DPP10: variants seen among roughly 807,000 people sequenced by gnomAD.
DPP10 encodes dipeptidyl peptidase like 10, also known as inactive dipeptidyl peptidase 10.
A neutral mutation model predicts 120.9 loss-of-function variants in DPP10; 33 were observed. The ratio of observed to expected loss-of-function variants is 0.27; its 90% CI spans 0.21 to 0.37. The LOEUF (loss-of-function observed/expected upper bound fraction) is 0.37. DPP10 is among the 10% of genes least tolerant of loss of function. The probability of loss-of-function intolerance (pLI) is 1.00; values close to 1 mark genes in which losing one functional copy is unlikely to be tolerated. For missense variants in DPP10, 816 were observed against 942.8 expected (o/e 0.87, Z 1.76); for synonymous variants, 337 against 326.1 (o/e 1.03, Z -0.36).
intron 1 of DPP10, among the ~76,000 whole-genome samples, chr2:114,771,261 A>G (rs768770039): frequency 6.6e-6 from 1 of 152,204 alleles, no homozygotes; most frequent in East Asian, 1.9e-4. Context: ...TGCAGGAGAC[A>G]TTAGCCATTA....
At chr2:114,650,299 C>T (rs1192515357) in intron 1 of DPP10, among the ~76,000 whole-genome samples, 2 of 152,114 alleles carry the variant, frequency 1.3e-5, no homozygotes, top group Non-Finnish European at 2.9e-5. Context: ...ATCCTGTTAC[C>T]TTGAAGGGCA....
At chr2:115,601,139 A>G (rs895782378) in intron 5 of DPP10, among the ~76,000 whole-genome samples, 1 of 152,200 alleles carries the variant, frequency 6.6e-6, no homozygotes, top group East Asian at 1.9e-4. Context: ...TGTCATTCAG[A>G]TTCTTTAAAC....
At position 114,731,043 on chromosome 2, in the gene DPP10, G is replaced by T. The variant is rs78491216; in HGVS notation, c.60+288205G>T. ...AATGGATGTGAAGAACACAATATCG[G>T]GTCACAAAAAAATTATCTGGGGCAT... On this transcript the variant is annotated intron_variant, in intron 1 of 25. Transcript: ENST00000410059. 6.3e-4 allele frequency among the ~76,000 whole-genome samples: 95 copies of T among 151,800 alleles called. 1 individual carries two copies. The East Asian group carries it at 0.017, about 28-fold the overall frequency.
rs546900496 is a variant in DPP10, at chr2:115,007,251, G to A, written c.61-301988G>A. 3.0e-3 allele frequency among the ~76,000 whole-genome samples: 464 copies of A among 152,254 alleles called. 3 individuals carry two copies. Among genetic ancestry groups the A allele is most frequent in the African/African-American group, 0.011 (438 of 41,540 alleles). On this transcript the variant is annotated intron_variant, in intron 1 of 25. Transcript: ENST00000410059. The stretch of plus-strand genomic sequence containing the variant: ...ATGATCAAGTGGGCTTCATCCCTGG[G>A]ATGCAAGCCTGGTTCAATATACGCA...
intron 5 of DPP10, among the ~76,000 whole-genome samples, chr2:115,656,533 G>T (rs1397732666): frequency 6.6e-6 from 1 of 151,508 alleles, no homozygotes; most frequent in Non-Finnish European, 1.5e-5. Flanking sequence ...TATGAGAAAG[G>T]AAAATTATAA....
chr2:115,472,291 T>C (rs1388593353), intron 3 of DPP10, among the ~76,000 whole-genome samples: 2 of 152,138 alleles, frequency 1.3e-5, no homozygotes, highest in African/African-American at 2.4e-5. Context: ...CAGCTAATGG[T>C]AGAACAAATT....
At chr2:115,167,990 AT>A (rs761928037) in intron 1 of DPP10, among the ~76,000 whole-genome samples, 49 of 152,162 alleles carry the variant, frequency 3.2e-4, no homozygotes, top group Non-Finnish European at 6.6e-4. Flanking sequence ...GAAAGAGGAT[AT>A]TTAAAGGAAA....
At chr2:115,327,910 G>A (rs765786953) in intron 2 of DPP10, among the ~76,000 whole-genome samples, 1 of 151,992 alleles carries the variant, frequency 6.6e-6, no homozygotes, top group African/African-American at 2.4e-5. Context: ...TTATGAAAGG[G>A]TGCCTGGAGT....
chr2:115,081,193 A>G (rs1385146629), intron 1 of DPP10, among the ~76,000 whole-genome samples: 2 of 152,292 alleles, frequency 1.3e-5, no homozygotes, highest in East Asian at 1.9e-4. Context: ...GTCAATCACA[A>G]TCTTTTCAGA....
chr2:115,010,427 C>T (rs1212014765), intron 1 of DPP10, among the ~76,000 whole-genome samples: 2 of 151,916 alleles, frequency 1.3e-5, no homozygotes, highest in Non-Finnish European at 2.9e-5. Context: ...ATTTTTATTG[C>T]TGAGAATAAA....
chr2:115,376,279 A>T (rs1452235136), intron 3 of DPP10, among the ~76,000 whole-genome samples: 1 of 152,212 alleles, frequency 6.6e-6, no homozygotes, highest in Non-Finnish European at 1.5e-5. Context: ...ACGAATTTCA[A>T]AATTATAAAT....
intron 1 of DPP10, among the ~76,000 whole-genome samples, chr2:114,554,110 T>A (rs72951877): frequency 0.017 from 2,616 of 152,294 alleles, 74 homozygotes; most frequent in African/African-American, 0.06. Flanking sequence ...AAAGGAGATT[T>A]GAGTAATTAA....
chr2:115,727,457 G>A (rs2149637598), intron 7 of DPP10, among the ~76,000 whole-genome samples: 1 of 152,198 alleles, frequency 6.6e-6, no homozygotes, highest in African/African-American at 2.4e-5. Context: ...TTACTAAAAT[G>A]GCTTATAGTT....
intron 2 of DPP10, among the ~76,000 whole-genome samples, chr2:115,312,629 A>G (rs2061629042): frequency 6.6e-6 from 1 of 152,080 alleles, no homozygotes; most frequent in Admixed American, 6.6e-5. Context: ...CAGTGCTCCA[A>G]CTGCACCAAG....
chr2:115,154,739 C>A (rs543113674), intron 1 of DPP10, among the ~76,000 whole-genome samples: 3 of 152,030 alleles, frequency 2.0e-5, no homozygotes, highest in Admixed American at 6.5e-5. Flanking sequence ...CCCACCACCC[C>A]CTGAGCACAC....
chr2:115,030,027 C>T (rs929751890), intron 1 of DPP10, among the ~76,000 whole-genome samples: 2 of 152,170 alleles, frequency 1.3e-5, no homozygotes, highest in African/African-American at 4.8e-5. Flanking sequence ...CCTATAAACT[C>T]ATGCTGCTTT....
chr2:115,325,004 T>G (rs1247608247), intron 2 of DPP10, among the ~76,000 whole-genome samples: 1 of 152,036 alleles, frequency 6.6e-6, no homozygotes, highest in African/African-American at 2.4e-5. Context: ...TGGTCATGGT[T>G]CATGGCTCCC....
At chr2:114,907,977 G>C (rs1005348596) in intron 1 of DPP10, among the ~76,000 whole-genome samples, 1 of 151,324 alleles carries the variant, frequency 6.6e-6, no homozygotes, top group African/African-American at 2.4e-5. Context: ...TATAATTTTG[G>C]CTTCTGATAT....
chr2:115,285,610 G>A (rs960015016), intron 1 of DPP10, among the ~76,000 whole-genome samples: 1 of 151,960 alleles, frequency 6.6e-6, no homozygotes, highest in African/African-American at 2.4e-5. Flanking sequence ...ATTAAAGATC[G>A]ATTGATCTCA....
Sources: allele counts gnomAD v4.1 joint callset (sites outside exome capture counted in the v4.1 genomes callset), GRCh38; gene constraint gnomAD v4.1.1; transcripts MANE v1.5; gene names NCBI Gene and HGNC (gene_info 2026-07-23, HGNC 2026-07-21).